The following CNTN5 variants were observed in gnomAD, a reference collection of about 807,000 sequenced individuals.
CNTN5 encodes the protein contactin 5.
A neutral mutation model predicts 129.1 loss-of-function variants in CNTN5; 77 were observed. The ratio of observed to expected loss-of-function variants is 0.60; its 90% CI spans 0.50 to 0.72. The LOEUF (loss-of-function observed/expected upper bound fraction) is 0.72. Among genes scored for constraint, CNTN5 ranks in the 30% least tolerant of loss-of-function variants. CNTN5 has a pLI of 0.00. For synonymous variants in CNTN5, 509 were observed against 465.6 expected, an observed-to-expected ratio of 1.09 and a Z score of -1.20; for missense variants, 1,478 against 1,328.8, an observed-to-expected ratio of 1.11 and a Z score of -1.75.
chr11:99,788,224 C>G (rs948707369), intron 3 of CNTN5, among the ~76,000 whole-genome samples: 4 of 151,954 alleles, frequency 2.6e-5, no homozygotes, highest in African/African-American at 9.7e-5. Context: ...ATCTTCCTCT[C>G]TGAATTCCTC....
chr11:99,408,725 C>CA (rs1193052342), intron 2 of CNTN5, among the ~76,000 whole-genome samples: 42 of 151,940 alleles, frequency 2.8e-4, no homozygotes, highest in Admixed American at 2.0e-3. Context: ...ATTTAACCTC[C>CA]AAAAAAATAA....
Position 99,613,186 on chromosome 11 carries a change from A to C in CNTN5, c.55+56917A>C, listed in dbSNP as rs76981138. 4.4e-3 allele frequency among the ~76,000 whole-genome samples: 673 copies of C among 152,314 alleles called. 28 individuals are homozygous for C. The East Asian group carries it at 0.1, about 23-fold the overall frequency. On this transcript the variant is annotated intron_variant, in intron 3 of 24. Transcript: ENST00000524871. ...CTGATTCTCATCTTGAATTGTAAGC[A>C]CCATAATGCCCACGTGTCAAGAAAG...
At chr11:99,504,861 C>T (rs906722075) in intron 2 of CNTN5, among the ~76,000 whole-genome samples, 1 of 152,074 alleles carries the variant, frequency 6.6e-6, no homozygotes, top group African/African-American at 2.4e-5. Context: ...CTTAACAGAC[C>T]ACAACTTCTT....
At chr11:99,904,976 T>G (rs1367061864) in intron 6 of CNTN5, among the ~76,000 whole-genome samples, 1 of 149,290 alleles carries the variant, frequency 6.7e-6, no homozygotes, top group Non-Finnish European at 1.5e-5. Flanking sequence ...TTCACCCACT[T>G]TTTGATGGGT....
intron 3 of CNTN5, among the ~76,000 whole-genome samples, chr11:99,670,456 C>G (rs1359667166): frequency 6.6e-6 from 1 of 152,158 alleles, no homozygotes; most frequent in African/African-American, 2.4e-5. Context: ...TCAACACCAG[C>G]CTATCACTCA....
intron 3 of CNTN5, among the ~76,000 whole-genome samples, chr11:99,698,672 C>T (rs1246158165): frequency 1.3e-5 from 2 of 151,354 alleles, no homozygotes; most frequent in Non-Finnish European, 3.0e-5. Flanking sequence ...CCTGACAAAC[C>T]AATACTCCCA....
chr11:100,022,567 A>G (rs1317325868), intron 9 of CNTN5, among the ~76,000 whole-genome samples: 2 of 152,218 alleles, frequency 1.3e-5, no homozygotes, highest in African/African-American at 4.8e-5. Context: ...TTTCAAAGAG[A>G]TATAAATAAT....
intron 2 of CNTN5, among the ~76,000 whole-genome samples, chr11:99,392,320 A>G (rs1023860886): frequency 1.3e-5 from 2 of 151,878 alleles, no homozygotes; most frequent in Non-Finnish European, 2.9e-5. Context: ...GGAAGAGGAC[A>G]ATAGCAAAAA....
intron 1 of CNTN5, among the ~76,000 whole-genome samples, chr11:99,098,611 C>T (rs139397059): frequency 0.032 from 4,944 of 152,126 alleles, 115 homozygotes; most frequent in South Asian, 0.068. Context: ...GGGAAGAAAA[C>T]GATAGTCTTC....
intron 2 of CNTN5, among the ~76,000 whole-genome samples, chr11:99,547,459 A>G (rs912709541): frequency 5.3e-5 from 8 of 152,306 alleles, no homozygotes; most frequent in Admixed American, 2.6e-4. Context: ...AAGTTGCCTT[A>G]TATGCTAAAC....
chr11:99,220,628 A>G (rs568708905), intron 1 of CNTN5, among the ~76,000 whole-genome samples: 124 of 152,040 alleles, frequency 8.2e-4, no homozygotes, highest in African/African-American at 2.9e-3. Context: ...TTTTACTTGC[A>G]TTTTTCCAGC....
intron 2 of CNTN5, among the ~76,000 whole-genome samples, chr11:99,514,960 C>T (rs746734507): frequency 6.6e-6 from 1 of 151,998 alleles, no homozygotes; most frequent in Non-Finnish European, 1.5e-5. Context: ...AGATATTAGA[C>T]TTTCATCTCA....
intron 2 of CNTN5, among the ~76,000 whole-genome samples, chr11:99,458,760 A>G (rs1944583840): frequency 6.6e-6 from 1 of 152,018 alleles, no homozygotes; most frequent in Admixed American, 6.6e-5. Flanking sequence ...AGAGAATGTT[A>G]GTGAAGGAAA....
In CNTN5 at chr11:100,071,771, T is replaced by G; in HGVS notation, c.1366T>G (p.Tyr456Asp). Residue 456 changes from tyrosine to aspartate, a missense_variant, in exon 12 of 25, where the codon TAT (tyrosine) becomes GAT (aspartate). Coordinates refer to ENST00000524871, the MANE Select transcript of CNTN5 (RefSeq NM_014361.4). Reference protein sequence around the residue: ...HNVNQSDAGMYQCLAENKYGA... With the variant: ...HNVNQSDAGMDQCLAENKYGA... ...TGTGAATCAATCAGATGCTGGAATG[T>G]ATCAGTGTTTGGCTGAAAATAAGTA... The G allele has an allele frequency of 6.2e-7, 1 of 1,605,310 alleles. No individual in the cohort carries two copies. Among genetic ancestry groups the G allele is most frequent in the Non-Finnish European group, 8.5e-7 (1 of 1,175,234 alleles).
chr11:99,677,643 C>T (rs1343728163), intron 3 of CNTN5, among the ~76,000 whole-genome samples: 2 of 152,266 alleles, frequency 1.3e-5, no homozygotes, highest in African/African-American at 4.8e-5. Flanking sequence ...TCAAAGTCCA[C>T]ATTAAAAATC....
chr11:99,939,273 A>G (rs1950381747), intron 7 of CNTN5, among the ~76,000 whole-genome samples: 1 of 152,062 alleles, frequency 6.6e-6, no homozygotes, highest in South Asian at 2.1e-4. Context: ...GTTTACTATA[A>G]ATTTGCGTTT....
chr11:99,178,473 A>C (rs1268114827), intron 1 of CNTN5, among the ~76,000 whole-genome samples: 1 of 149,000 alleles, frequency 6.7e-6, no homozygotes, highest in Non-Finnish European at 1.5e-5. Flanking sequence ...GTGAGCTGTC[A>C]TCACACCACT....
intron 1 of CNTN5, among the ~76,000 whole-genome samples, chr11:99,172,878 A>T (rs1308318926): frequency 1.3e-5 from 2 of 152,200 alleles, no homozygotes; most frequent in East Asian, 3.9e-4. Flanking sequence ...TTTAAGTATA[A>T]TTCTTGTATT....
intron 6 of CNTN5, among the ~76,000 whole-genome samples, chr11:99,855,920 A>G (rs1003340701): frequency 3.9e-5 from 6 of 152,218 alleles, no homozygotes; most frequent in Non-Finnish European, 8.8e-5. Context: ...AATAAAATAC[A>G]ACTATTATCA....
Sources: gnomAD v4.1 joint callset for allele counts (sites outside exome capture counted in the v4.1 genomes callset) on GRCh38, gnomAD v4.1.1 for gene constraint, MANE v1.5 for transcripts, NCBI Gene and HGNC (gene_info 2026-07-23, HGNC 2026-07-21) for gene names.